PELI2: variants seen among roughly 807,000 people sequenced by gnomAD.
PELI2 encodes the protein E3 ubiquitin-protein ligase pellino homolog 2.
A neutral mutation model predicts 42.3 loss-of-function variants in PELI2; 23 were observed. The observed-to-expected ratio is 0.54, with a 90% CI of 0.39 to 0.77. PELI2 has a LOEUF of 0.77. PELI2 is among the 30% of genes least tolerant of loss of function. PELI2 has a pLI of 0.00. For synonymous variants in PELI2, 245 were observed against 212.2 expected, an observed-to-expected ratio of 1.15 and a Z score of -1.34; for missense variants, 463 against 553.2, an observed-to-expected ratio of 0.84 and a Z score of 1.64.
chr14:56,211,770 G>A (rs757244093), intron 2 of PELI2, among the ~76,000 whole-genome samples: 13 of 151,582 alleles, frequency 8.6e-5, no homozygotes, highest in African/African-American at 1.2e-4. Flanking sequence ...ATTCCAAGTC[G>A]CGGGTGGTGT....
Position 56,255,169 on chromosome 14 carries a change from A to G in PELI2, c.208-24507A>G, listed in dbSNP as rs142067994. 5.2e-3 allele frequency among the ~76,000 whole-genome samples: 792 copies of G among 152,378 alleles called. 5 individuals carry two copies. The highest frequency in any genetic ancestry group is 0.011 in the East Asian group (58 of 5,190). On this transcript the variant is annotated intron_variant, in intron 2 of 5. Transcript: ENST00000267460. ...CCAAAGGATTATAAGTCATTCTACT[A>G]TAAAGACACATGCACACATTTGTTT...
At chr14:56,152,965 A>G (rs983058845) in intron 1 of PELI2, among the ~76,000 whole-genome samples, 2 of 152,154 alleles carry the variant, frequency 1.3e-5, no homozygotes, top group African/African-American at 4.8e-5. Flanking sequence ...GCTTTGTGGT[A>G]CTGTATGTAT....
intron 1 of PELI2, among the ~76,000 whole-genome samples, chr14:56,124,380 G>A (rs1374886849): frequency 6.6e-6 from 1 of 152,194 alleles, no homozygotes; most frequent in East Asian, 1.9e-4. Context: ...GGAGAGAAAG[G>A]GGTGGAGTTA....
At chr14:56,192,707 C>T (rs1192348879) in intron 2 of PELI2, among the ~76,000 whole-genome samples, 2 of 152,180 alleles carry the variant, frequency 1.3e-5, no homozygotes, top group Non-Finnish European at 2.9e-5. Flanking sequence ...GTTTTCTCAT[C>T]GCTCACGTTG....
chr14:56,296,773 C>G lies in PELI2; in HGVS notation c.870C>G (p.Thr290=). The change falls in exon 6 of 6, where the codon ACC becomes ACG. Residue 290 remains threonine (T), a synonymous_variant. Coordinates refer to ENST00000267460, the MANE Select transcript of PELI2 (RefSeq NM_021255.3). ...ARPQCPVGLN[T]LAFPSINRKE... ...CTCAGTGTCCTGTGGGGCTCAACAC[C>G]CTGGCCTTCCCCAGCATCAACAGGA... 6.2e-7 allele frequency: 1 copy of G among 1,614,110 alleles called. No homozygotes were observed. The highest frequency in any genetic ancestry group is 8.5e-7 in the Non-Finnish European group (1 of 1,180,018).
At chr14:56,158,844 CAT>C (rs1337558401) in intron 1 of PELI2, among the ~76,000 whole-genome samples, 2 of 152,118 alleles carry the variant, frequency 1.3e-5, no homozygotes, top group African/African-American at 4.8e-5. Flanking sequence ...TTTTAAAAGA[CAT>C]AGTGATTTAT....
At chr14:56,265,814 T>C (rs1888883476) in intron 2 of PELI2, among the ~76,000 whole-genome samples, 1 of 152,026 alleles carries the variant, frequency 6.6e-6, no homozygotes, top group South Asian at 2.1e-4. Flanking sequence ...AGAGAAGATA[T>C]ATAGATGTCA....
chr14:56,125,419 G>T (rs936170123), intron 1 of PELI2, among the ~76,000 whole-genome samples: 2,813 of 149,914 alleles, frequency 0.019, 84 homozygotes, highest in African/African-American at 0.067. Flanking sequence ...GGTGGGCAGG[G>T]GGGGGGTGAA....
In PELI2 at chr14:56,268,994, A is replaced by G. The variant is rs1481576600; in HGVS notation, c.208-10682A>G. Among the ~76,000 whole-genome samples, 4 of 152,136 alleles carry G rather than the reference A, an allele frequency of 2.6e-5. No individual in the cohort carries two copies. In the East Asian group the frequency reaches 5.8e-4, roughly 22 times the overall value. On this transcript the variant is annotated intron_variant, in intron 2 of 5. Coordinates refer to ENST00000267460, the MANE Select transcript of PELI2 (RefSeq NM_021255.3). ...AGGCAGAAGAACTTTGAAAGTCCTG[A>G]TTGGTTTTCATTTATGGTAACTAAT...
At chr14:56,259,679 C>G (rs1888648328) in intron 2 of PELI2, among the ~76,000 whole-genome samples, 1 of 152,068 alleles carries the variant, frequency 6.6e-6, no homozygotes, top group African/African-American at 2.4e-5. Flanking sequence ...AACAGGTAAC[C>G]ACACTTACTT....
intron 2 of PELI2, among the ~76,000 whole-genome samples, chr14:56,195,734 G>T (rs1006762422): frequency 4.6e-5 from 7 of 152,186 alleles, no homozygotes; most frequent in South Asian, 2.1e-4. Context: ...ATATTAAACC[G>T]TTTGTTAAGT....
At position 56,298,024 on chromosome 14, in the gene PELI2, C is replaced by A. The variant is rs1359945853; in HGVS notation, c.*858C>A. ...GGTACTATACTACCATGTTTATTTG[C>A]TGACTGAATTAAGATTTAAGAATGA... is the stretch of plus-strand genomic sequence containing the variant. On this transcript the variant is annotated 3_prime_UTR_variant, in exon 6 of 6. Transcript: ENST00000267460. 1 of 151,760 alleles carries A rather than the reference C, an allele frequency of 6.6e-6. No homozygotes were observed. Among genetic ancestry groups the A allele is most frequent in the Non-Finnish European group, 1.5e-5 (1 of 67,960 alleles). The allele number at this position is 151,760 out of a possible 1,614,324, so 9.4% of individuals were successfully genotyped here.
At chr14:56,295,525 AG>A (rs890342463) in intron 5 of PELI2, among the ~76,000 whole-genome samples, 4 of 152,220 alleles carry the variant, frequency 2.6e-5, no homozygotes, top group Non-Finnish European at 5.9e-5. Flanking sequence ...TCTCTGTTAA[AG>A]AAAAACCTTT....
intron 2 of PELI2, among the ~76,000 whole-genome samples, chr14:56,222,531 C>T (rs1887178288): frequency 6.6e-6 from 1 of 152,152 alleles, no homozygotes; most frequent in African/African-American, 2.4e-5. Context: ...CTCTATTTGA[C>T]TTAGAGGAAC....
chr14:56,130,141 T>C (rs1447567707), intron 1 of PELI2, among the ~76,000 whole-genome samples: 2 of 152,210 alleles, frequency 1.3e-5, no homozygotes, highest in East Asian at 1.9e-4. Flanking sequence ...TTCCTGCTCC[T>C]TGGGGGAGGT....
At chr14:56,259,392 G>A (rs1888638936) in intron 2 of PELI2, among the ~76,000 whole-genome samples, 1 of 152,170 alleles carries the variant, frequency 6.6e-6, no homozygotes, top group Middle Eastern at 3.4e-3. Context: ...AATGTATGGG[G>A]TTTATAACAT....
At chr14:56,215,943 A>G in intron 2 of PELI2, among the ~76,000 whole-genome samples, 1 of 152,234 alleles carries the variant, frequency 6.6e-6, no homozygotes, top group Non-Finnish European at 1.5e-5. Context: ...ATGTGGTGGA[A>G]TATATATCAC....
At position 56,288,811 on chromosome 14, in the gene PELI2, A is replaced by G. The variant is rs1889727403; in HGVS notation, c.507+177A>G. ...GTTATTAAAAATCTGAACATTAATAAGCATTGCTTGTTATTCATTATATTT... is the reference window on the plus strand; with the variant it reads ...GTTATTAAAAATCTGAACATTAATAGGCATTGCTTGTTATTCATTATATTT... On this transcript the variant is annotated intron_variant, in intron 4 of 5. Coordinates refer to ENST00000267460, the MANE Select transcript of PELI2 (RefSeq NM_021255.3). The surrounding 1 kb of genome is among the most constrained non-coding windows in gnomAD (Gnocchi z 4.6). Among the ~76,000 whole-genome samples the G allele has an allele frequency of 6.6e-6, 1 of 152,180 alleles. No individual in the cohort carries two copies. Among genetic ancestry groups the G allele is most frequent in the South Asian group, 2.1e-4 (1 of 4,818 alleles).
chr14:56,164,687 A>G (rs1884888503), intron 1 of PELI2, among the ~76,000 whole-genome samples: 1 of 151,958 alleles, frequency 6.6e-6, no homozygotes, highest in Non-Finnish European at 1.5e-5. Context: ...CTTTACTGGG[A>G]GACTTCTTGT....
Sources: allele counts gnomAD v4.1 joint callset (sites outside exome capture counted in the v4.1 genomes callset), GRCh38; gene constraint gnomAD v4.1.1; non-coding constraint Gnocchi (gnomAD v3.1); transcripts MANE v1.5; gene names NCBI Gene and HGNC (gene_info 2026-07-23, HGNC 2026-07-21).